The following GBE1 variants were observed in gnomAD, a reference collection of about 807,000 sequenced individuals.
GBE1 encodes the protein 1,4-alpha-glucan branching enzyme 1.
In GBE1, 70 loss-of-function variants were observed where a neutral mutation model predicts 88.8. The ratio of observed to expected loss-of-function variants is 0.79; its 90% CI spans 0.65 to 0.96. The LOEUF (loss-of-function observed/expected upper bound fraction) is 0.96. Among genes scored for constraint, GBE1 ranks in the 40% least tolerant of loss-of-function variants. The pLI is 0.00. For missense variants in GBE1, 872 were observed against 871.0 expected (o/e 1.00, Z -0.01); for synonymous variants, 284 against 300.1 (o/e 0.95, Z 0.56).
chr3:81,653,006 A>C (rs999613189), intron 3 of GBE1, among the ~76,000 whole-genome samples: 4 of 152,228 alleles, frequency 2.6e-5, no homozygotes, highest in Admixed American at 2.6e-4. Flanking sequence ...AACTGAAAGA[A>C]AGAACTGGCT....
intron 1 of GBE1, among the ~76,000 whole-genome samples, chr3:81,754,182 T>C (rs186295155): frequency 1.5e-4 from 23 of 152,176 alleles, no homozygotes; most frequent in African/African-American, 5.5e-4. Context: ...ATCTGAAAGA[T>C]AAATCCAGAA....
intron 7 of GBE1, among the ~76,000 whole-genome samples, chr3:81,633,301 T>A: frequency 6.6e-6 from 1 of 152,100 alleles, no homozygotes; most frequent in East Asian, 1.9e-4. Context: ...CCCTTCACAA[T>A]TATACAAGGT....
intron 5 of GBE1, among the ~76,000 whole-genome samples, chr3:81,647,798 T>C (rs1195425339): frequency 2.6e-5 from 4 of 152,128 alleles, no homozygotes; most frequent in Non-Finnish European, 5.9e-5. Flanking sequence ...GCTGATACCT[T>C]GTATCAAGCA....
At chr3:81,577,277 T>C (rs905895162) in intron 12 of GBE1, among the ~76,000 whole-genome samples, 2 of 152,142 alleles carry the variant, frequency 1.3e-5, no homozygotes. Flanking sequence ...CAGCCTTTTG[T>C]ATATATTCCC....
chr3:81,744,349 G>A (rs559226770), intron 1 of GBE1, among the ~76,000 whole-genome samples: 2 of 152,100 alleles, frequency 1.3e-5, no homozygotes, highest in East Asian at 3.9e-4. Flanking sequence ...GTAAAAATTA[G>A]TTTTCTTTCT....
chr3:81,549,306 G>A (rs1310926583), intron 12 of GBE1, among the ~76,000 whole-genome samples: 1 of 151,356 alleles, frequency 6.6e-6, no homozygotes, highest in Non-Finnish European at 1.5e-5. Flanking sequence ...GGGATTACAG[G>A]AGTGAGCCAC....
At chr3:81,667,011 A>G (rs1705121711) in intron 3 of GBE1, among the ~76,000 whole-genome samples, 1 of 152,214 alleles carries the variant, frequency 6.6e-6, no homozygotes, top group East Asian at 1.9e-4. Flanking sequence ...CAGCTACTAA[A>G]ATTTGTACCT....
intron 14 of GBE1, among the ~76,000 whole-genome samples, chr3:81,525,237 T>C (rs1702927744): frequency 6.6e-6 from 1 of 152,062 alleles, no homozygotes; most frequent in South Asian, 2.1e-4. Flanking sequence ...GTTTGTAGCA[T>C]GAAGGGCTGT....
chr3:81,757,741 T>C (rs1283664183), intron 1 of GBE1, among the ~76,000 whole-genome samples: 3 of 152,220 alleles, frequency 2.0e-5, no homozygotes, highest in South Asian at 2.1e-4. Context: ...TTCAGTTTTA[T>C]ACATGTTGAG....
At chr3:81,524,592 G>T (rs1161239370) in intron 14 of GBE1, among the ~76,000 whole-genome samples, 1 of 151,780 alleles carries the variant, frequency 6.6e-6, no homozygotes, top group Non-Finnish European at 1.5e-5. Flanking sequence ...TGTATATAAT[G>T]AGAGATAGGG....
chr3:81,570,522 G>T (rs1703559631), intron 12 of GBE1, among the ~76,000 whole-genome samples: 1 of 152,132 alleles, frequency 6.6e-6, no homozygotes, highest in Admixed American at 6.6e-5. Flanking sequence ...GTTACCACAG[G>T]TATTTTCAAA....
intron 14 of GBE1, among the ~76,000 whole-genome samples, chr3:81,506,634 C>T (rs1289069212): frequency 6.6e-6 from 1 of 152,078 alleles, no homozygotes; most frequent in African/African-American, 2.4e-5. Context: ...TTCACTGCAG[C>T]ACTATTCACA....
At chr3:81,681,931 C>A (rs1325037952) in intron 2 of GBE1, among the ~76,000 whole-genome samples, 1 of 152,102 alleles carries the variant, frequency 6.6e-6, no homozygotes, top group Non-Finnish European at 1.5e-5. Context: ...GATAATCTGA[C>A]ATCTTCAAAA....
At chr3:81,761,066 C>T (rs1706674202) in intron 1 of GBE1, among the ~76,000 whole-genome samples, 2 of 152,232 alleles carry the variant, frequency 1.3e-5, no homozygotes, top group African/African-American at 4.8e-5. Context: ...CCCAGCAGCA[C>T]TCTGGGGAAT....
intron 2 of GBE1, among the ~76,000 whole-genome samples, chr3:81,689,658 G>C (rs1705490270): frequency 6.6e-6 from 1 of 152,134 alleles, no homozygotes; most frequent in Non-Finnish European, 1.5e-5. Context: ...ATCACTAGCG[G>C]GCGAGTCCAC....
At chr3:81,655,128 C>T (rs1704914812) in intron 3 of GBE1, 1 of 152,104 alleles carries the variant, frequency 6.6e-6, no homozygotes, top group African/African-American at 2.4e-5. Flanking sequence ...TGCTGAATAT[C>T]AGTATTCTGT....
At chr3:81,625,447 G>GT (rs1201685941) in intron 7 of GBE1, among the ~76,000 whole-genome samples, 32 of 147,230 alleles carry the variant, frequency 2.2e-4, no homozygotes, top group Admixed American at 3.4e-4. Context: ...ATCCTGGACT[G>GT]TTTTTTTTTT....
At chr3:81,720,908 G>A (rs1308287550) in intron 1 of GBE1, among the ~76,000 whole-genome samples, 1 of 140,834 alleles carries the variant, frequency 7.1e-6, no homozygotes, top group Non-Finnish European at 1.5e-5. Context: ...GTAGGGACAT[G>A]GATGAAATTG....
chr3:81,513,072 T>G (rs530355987), intron 14 of GBE1, among the ~76,000 whole-genome samples: 1 of 151,788 alleles, frequency 6.6e-6, no homozygotes, highest in Admixed American at 6.6e-5. Flanking sequence ...ATCACAAAAT[T>G]GCCCACTGCT....
Sources: allele counts gnomAD v4.1 joint callset (sites outside exome capture counted in the v4.1 genomes callset), GRCh38; gene constraint gnomAD v4.1.1; transcripts MANE v1.5; gene names NCBI Gene and HGNC (gene_info 2026-07-23, HGNC 2026-07-21).